The following STAR variants were observed in gnomAD, a reference collection of about 807,000 sequenced individuals.
STAR encodes steroidogenic acute regulatory protein, also known as steroidogenic acute regulatory protein, mitochondrial.
In STAR, 32 loss-of-function variants were observed where a neutral mutation model predicts 32.3. The ratio of observed to expected loss-of-function variants is 0.99; its 90% CI spans 0.75 to 1.33. STAR has a LOEUF of 1.33. STAR is among the 40% of genes most tolerant of loss of function. The pLI, the probability that STAR is intolerant of heterozygous loss-of-function variation, is 0.00. For missense variants in STAR, 375 were observed against 379.0 expected (o/e 0.99, Z 0.09); for synonymous variants, 134 against 140.5 (o/e 0.95, Z 0.33).
chr8:38,146,551 G>A, intron 3 of STAR, 104 bp from the exon 4 acceptor site: 1 of 1,320,154 alleles, frequency 7.6e-7, no homozygotes, highest in Non-Finnish European at 1.1e-6. Context: ...GCCAAGGTGG[G>A]TGGATCACAA....
chr8:38,150,754 C>T lies in STAR; in HGVS notation c.64+1G>A, dbSNP rs765968701. On this transcript the variant is annotated splice_donor_variant, in intron 1 of 6. Coordinates refer to ENST00000276449, the MANE Select transcript of STAR (RefSeq NM_000349.3). LOFTEE classifies it high-confidence loss of function. ...CATCGCCTCCTTCCCGCAGCGCTCA[C>T]CCTTCATGTTGCGCATGTGTCTGTA... 1.9e-6 allele frequency: 3 copies of T among 1,607,038 alleles called. No individual in the cohort carries two copies. Among genetic ancestry groups the T allele is most frequent in the Admixed American group, 1.7e-5 (1 of 60,008 alleles).
chr8:38,144,914 C>T (rs1585623983), intron 6 of STAR: 17 of 919,406 alleles, frequency 1.8e-5, no homozygotes, highest in East Asian at 4.9e-5. Context: ...GAGGCTGAGG[C>T]GGAAGAATCA....
At chr8:38,145,180 C>T in intron 6 of STAR, 42 bp downstream of exon 6, 1 of 1,613,630 alleles carries the variant, frequency 6.2e-7, no homozygotes, top group South Asian at 1.1e-5. Flanking sequence ...CTGTTTTTCT[C>T]ACTACCACCT....
rs761989694 is a variant in STAR at position 38,148,240 on chromosome 8, A to G, written c.266T>C (p.Ile89Thr). 6.2e-7 allele frequency: 1 copy of G among 1,613,992 alleles called. No individual in the cohort carries two copies. Among genetic ancestry groups the G allele is most frequent in the Non-Finnish European group, 8.5e-7 (1 of 1,179,972 alleles). Reference sequence around the variant, plus strand: ...CTTCCAGCCCTCTTGGTTGCTAAGGATGCCCAAGGCCTTCTGCATGGCCTC... The same window carrying G: ...CTTCCAGCCCTCTTGGTTGCTAAGGGTGCCCAAGGCCTTCTGCATGGCCTC... Reference protein sequence around the residue: ...GEEAMQKALGILSNQEGWKKE... With the variant: ...GEEAMQKALGTLSNQEGWKKE... The change falls in exon 3 of 7, where the codon ATC (isoleucine) becomes ACC (threonine). Residue 89 changes from isoleucine (I) to threonine (T), a missense_variant. Coordinates refer to ENST00000276449, the MANE Select transcript of STAR (RefSeq NM_000349.3).
intron 1 of STAR, among the ~76,000 whole-genome samples, chr8:38,149,641 G>A (rs1298101265): frequency 6.6e-6 from 1 of 152,136 alleles, no homozygotes; most frequent in Admixed American, 6.6e-5. Flanking sequence ...CCTGCTACAA[G>A]ACTTGTCCAG....
At chr8:38,144,970 T>C (rs924409421) in intron 6 of STAR, 17 of 1,300,160 alleles carry the variant, frequency 1.3e-5, no homozygotes, top group African/African-American at 6.2e-5. Flanking sequence ...GACCATGTCA[T>C]TGTACTCCAG....
intron 1 of STAR, chr8:38,149,037 G>T: frequency 2.2e-6 from 1 of 455,370 alleles, no homozygotes; most frequent in Non-Finnish European, 4.1e-6. Context: ...GTCTCTAAAA[G>T]GGGAAAAAGC....
chr8:38,142,777 T>C lies in STAR; in HGVS notation c.*1496A>G, dbSNP rs1284089729. ...CCTCAGGTGATTGCCTGCCTTGGCC[T>C]CCCAAAGTGCTGAGATTACAGGCGG... is the stretch of plus-strand genomic sequence containing the variant. On this transcript the variant is annotated 3_prime_UTR_variant, in exon 7 of 7. Transcript: ENST00000276449. Among the ~76,000 whole-genome samples the C allele has an allele frequency of 1.3e-5, 2 of 152,098 alleles. No homozygotes were observed. Among genetic ancestry groups the C allele is most frequent in the African/African-American group, 4.8e-5 (2 of 41,404 alleles).
At chr8:38,148,599 T>A in intron 2 of STAR, 42 bp downstream of exon 2, 1 of 1,585,126 alleles carries the variant, frequency 6.3e-7, no homozygotes, top group Non-Finnish European at 8.7e-7. Context: ...CCAGGGAACC[T>A]CCTGCCAGCA....
Position 38,146,099 on chromosome 8 carries a change from C to A in STAR, c.514G>T (p.Ala172Ser). 9 of 1,614,208 alleles carry A rather than the reference C, an allele frequency of 5.6e-6. No homozygotes were observed. Among genetic ancestry groups the A allele is most frequent in the Non-Finnish European group, 7.6e-6 (9 of 1,180,034 alleles). Residue 172 changes from alanine (A) to serine (S), a missense_variant, in exon 5 of 7, where the codon GCC (alanine) becomes TCC (serine). Ala to Ser is a moderately conservative substitution (Grantham distance 99). Coordinates refer to ENST00000276449, the MANE Select transcript of STAR (RefSeq NM_000349.3). ...CCCACCAGGTTTCCTGCTGCCTCGG[C>A]AGCCAGCTCGTGAGTAATGAATGTA... ...KDTFITHELA[A>S]EAAGNLVGPR...
At chr8:38,144,742 C>T (rs545433288) in intron 6 of STAR, 10 of 865,968 alleles carry the variant, frequency 1.2e-5, no homozygotes, top group South Asian at 1.8e-5. Flanking sequence ...GAGGGCCAGG[C>T]GCAGTGGCTC....
rs1802523882 is a variant in STAR, at chr8:38,144,331, A to G, written c.800T>C (p.Phe267Ser). The G allele has an allele frequency of 1.2e-6, 2 of 1,610,040 alleles. No individual in the cohort carries two copies. Among genetic ancestry groups the G allele is most frequent in the Non-Finnish European group, 8.5e-7 (1 of 1,178,436 alleles). Residue 267 changes from phenylalanine (F) to serine (S), a missense_variant, in exon 7 of 7, where the codon TTT (phenylalanine) becomes TCT (serine). Transcript: ENST00000276449. ...CAGGCGCTTGCGCAGGTGGTTGGCA[A>G]AATCCACCTGGGTCTGGGACAGGAC... ...NQVLSQTQVD[F>S]ANHLRKRLES...
chr8:38,145,782 A>G, intron 5 of STAR, 181 bp downstream of exon 5: 1 of 744,892 alleles, frequency 1.3e-6, no homozygotes, highest in East Asian at 2.7e-5. Context: ...CTGGCTGTCC[A>G]AGTAGGGCCT....
At chr8:38,147,364 AAG>A (rs1160303771) in intron 3 of STAR, among the ~76,000 whole-genome samples, 6 of 152,152 alleles carry the variant, frequency 3.9e-5, no homozygotes, top group Non-Finnish European at 7.4e-5. Flanking sequence ...CAAAGATCCC[AAG>A]AGAGAAACCT....
In STAR at chr8:38,145,572, G is replaced by A. The variant is rs1585624669; in HGVS notation, c.651-257C>T. Reference sequence around the variant, plus strand: ...AGTTGCTGGATTACTGGGATGTCAGGGAAAGGATTCAGGCTGGTGGCTGGG... The same window carrying A: ...AGTTGCTGGATTACTGGGATGTCAGAGAAAGGATTCAGGCTGGTGGCTGGG... On this transcript the variant is annotated intron_variant, in intron 5 of 6. Transcript: ENST00000276449. 8.5e-6 allele frequency: 5 copies of A among 584,890 alleles called. No individual in the cohort carries two copies. In the East Asian group the frequency reaches 1.2e-4, roughly 14 times the overall value. 36.2% of individuals were successfully genotyped at this position (584,890 alleles called of 1,614,324 possible).
intron 1 of STAR, among the ~76,000 whole-genome samples, chr8:38,150,463 AG>A: frequency 6.6e-6 from 1 of 151,936 alleles, no homozygotes; most frequent in Non-Finnish European, 1.5e-5. Flanking sequence ...GAAGAAAGGA[AG>A]AAAGAAAGGA....
intron 6 of STAR, chr8:38,144,744 C>G: frequency 1.2e-6 from 1 of 833,692 alleles, no homozygotes; most frequent in Non-Finnish European, 1.6e-6. Flanking sequence ...GGGCCAGGCG[C>G]AGTGGCTCAC....
intron 1 of STAR, among the ~76,000 whole-genome samples, chr8:38,150,177 G>T (rs1802642677): frequency 6.6e-6 from 1 of 151,960 alleles, no homozygotes; most frequent in Non-Finnish European, 1.5e-5. Context: ...AGCCCAGGGG[G>T]TCAAGACCAG....
chr8:38,144,573 A>G lies in STAR; in HGVS notation c.745-187T>C. ...CTCTGCTGTCATGACTTTCAGAAGC[A>G]CAAGACTGGCCAACAAGATGTTTCA... is the stretch of plus-strand genomic sequence containing the variant. On this transcript the variant is annotated intron_variant, in intron 6 of 6. Coordinates refer to ENST00000276449, the MANE Select transcript of STAR (RefSeq NM_000349.3). 6.2e-6 allele frequency: 9 copies of G among 1,441,844 alleles called. No individual in the cohort carries two copies. In the South Asian group the frequency reaches 1.1e-4, roughly 17 times the overall value. The allele number at this position is 1,441,844 out of a possible 1,614,324, so 89.3% of individuals were successfully genotyped here. A position where few individuals can be genotyped will look rare whatever the true frequency, so the allele number is the denominator to read the frequency against.
Sources: gnomAD v4.1 joint callset for allele counts (sites outside exome capture counted in the v4.1 genomes callset) on GRCh38, gnomAD v4.1.1 for gene constraint, MANE v1.5 for transcripts, NCBI Gene and HGNC (gene_info 2026-07-23, HGNC 2026-07-21) for gene names.